The following CNTN5 variants were observed in gnomAD, a reference collection of about 807,000 sequenced individuals.
The protein encoded by CNTN5 is contactin 5, also known as contactin-5.
CNTN5 carries 77 observed loss-of-function variants against 129.1 expected under a neutral mutation model. The observed-to-expected ratio is 0.60, with a 90% CI of 0.50 to 0.72. CNTN5 has a LOEUF of 0.72. Ranked by LOEUF, CNTN5 falls within the 30% of genes least tolerant of loss-of-function variation. The pLI, the probability that CNTN5 is intolerant of heterozygous loss-of-function variation, is 0.00. For missense variants in CNTN5, 1,478 were observed against 1,328.8 expected (o/e 1.11, Z -1.75); for synonymous variants, 509 against 465.6 (o/e 1.09, Z -1.20).
intron 3 of CNTN5, among the ~76,000 whole-genome samples, chr11:99,697,766 G>T (rs1296483891): frequency 1.3e-5 from 2 of 151,634 alleles, no homozygotes; most frequent in African/African-American, 2.4e-5. Context: ...CAAGTGTGGG[G>T]TGTATGGGAA....
chr11:99,049,207 C>T (rs1864327439), intron 1 of CNTN5, among the ~76,000 whole-genome samples: 1 of 152,136 alleles, frequency 6.6e-6, no homozygotes, highest in Non-Finnish European at 1.5e-5. Context: ...ACCTGCATTA[C>T]TTAATAAATT....
intron 2 of CNTN5, among the ~76,000 whole-genome samples, chr11:99,355,124 GTTATC>G (rs1364508902): frequency 6.6e-6 from 1 of 152,088 alleles, no homozygotes; most frequent in East Asian, 1.9e-4. Flanking sequence ...TTCCTACTGT[GTTATC>G]TTAACTAGCA....
chr11:99,571,206 G>A (rs1166622717), intron 3 of CNTN5, among the ~76,000 whole-genome samples: 1 of 152,160 alleles, frequency 6.6e-6, no homozygotes, highest in Non-Finnish European at 1.5e-5. Context: ...TAGTAGTTGC[G>A]AGAGAAAAGG....
chr11:99,035,366 G>C (rs1377779252), intron 1 of CNTN5, among the ~76,000 whole-genome samples: 1 of 152,056 alleles, frequency 6.6e-6, no homozygotes, highest in Non-Finnish European at 1.5e-5. Flanking sequence ...TGCTGACAGT[G>C]GGGTGTTAAA....
At chr11:99,638,266 C>A (rs1236072160) in intron 3 of CNTN5, among the ~76,000 whole-genome samples, 2 of 152,058 alleles carry the variant, frequency 1.3e-5, no homozygotes, top group Non-Finnish European at 2.9e-5. Flanking sequence ...ACGGGAAAGA[C>A]CAGCCCCCAT....
intron 1 of CNTN5, among the ~76,000 whole-genome samples, chr11:99,091,021 CAAAAAAAA>C (rs68113369): frequency 0.012 from 676 of 56,766 alleles, 11 homozygotes; most frequent in African/African-American, 0.047. Flanking sequence ...GACTCCGTCT[CAAAAAAAA>C]AAAAAAAAAA....
At chr11:99,116,537 C>T (rs1858054234) in intron 1 of CNTN5, among the ~76,000 whole-genome samples, 1 of 151,992 alleles carries the variant, frequency 6.6e-6, no homozygotes. Flanking sequence ...AATAGGCATG[C>T]AATTGACCAA....
chr11:99,110,834 T>C (rs545465641), intron 1 of CNTN5, among the ~76,000 whole-genome samples: 3 of 152,166 alleles, frequency 2.0e-5, no homozygotes, highest in African/African-American at 7.2e-5. Context: ...CAGAATGATA[T>C]GATGTGAAAC....
Position 100,320,124 on chromosome 11 carries a change from G to A in CNTN5, c.2730+11656G>A, listed in dbSNP as rs959675515. Among the ~76,000 whole-genome samples the A allele has an allele frequency of 5.3e-5, 8 of 152,216 alleles. 1 individual carries two copies. The South Asian group carries it at 1.7e-3, about 32-fold the overall frequency. ...GTAGTTCCATTTTTAATTTTGGGGGGAGCCTCCATACTGTTTTCAATAATG... is the reference window on the plus strand; with the variant it reads ...GTAGTTCCATTTTTAATTTTGGGGGAAGCCTCCATACTGTTTTCAATAATG... On this transcript the variant is annotated intron_variant, in intron 21 of 24. Coordinates refer to ENST00000524871, the MANE Select transcript of CNTN5 (RefSeq NM_014361.4).
At chr11:100,239,094 A>T (rs1462554136) in intron 16 of CNTN5, among the ~76,000 whole-genome samples, 3 of 152,200 alleles carry the variant, frequency 2.0e-5, no homozygotes, top group Non-Finnish European at 4.4e-5. Flanking sequence ...GAAATCTTGC[A>T]TTCGTTTCCT....
intron 1 of CNTN5, among the ~76,000 whole-genome samples, chr11:99,090,149 G>T (rs1038229064): frequency 6.6e-6 from 1 of 152,216 alleles, no homozygotes; most frequent in East Asian, 1.9e-4. Flanking sequence ...CAAATATTTT[G>T]TTCATTCATA....
intron 1 of CNTN5, among the ~76,000 whole-genome samples, chr11:99,148,396 C>G (rs913347780): frequency 6.6e-6 from 1 of 151,952 alleles, no homozygotes; most frequent in African/African-American, 2.4e-5. Flanking sequence ...GGGCAGCCCT[C>G]AGAACCAGAA....
At chr11:99,828,703 G>A (rs187821616) in intron 4 of CNTN5, among the ~76,000 whole-genome samples, 2 of 152,102 alleles carry the variant, frequency 1.3e-5, no homozygotes, top group African/African-American at 4.8e-5. Context: ...TAAGATACAT[G>A]GAAAACTGAA....
chr11:99,597,854 G>A (rs545911115), intron 3 of CNTN5, among the ~76,000 whole-genome samples: 1 of 152,034 alleles, frequency 6.6e-6, no homozygotes, highest in East Asian at 1.9e-4. Flanking sequence ...TGCCTTCTTG[G>A]TGTGGGGCCA....
intron 2 of CNTN5, among the ~76,000 whole-genome samples, chr11:99,375,986 G>C (rs370093716): frequency 6.6e-6 from 1 of 152,094 alleles, no homozygotes. Context: ...AACTGGATTT[G>C]AGTTGGAAAA....
At chr11:100,047,877 A>G (rs1591128367) in intron 9 of CNTN5, among the ~76,000 whole-genome samples, 1 of 152,142 alleles carries the variant, frequency 6.6e-6, no homozygotes, top group East Asian at 1.9e-4. Flanking sequence ...TCACGCTGTA[A>G]TCCCAGCAAT....
intron 9 of CNTN5, among the ~76,000 whole-genome samples, chr11:100,041,511 C>G (rs191763346): frequency 6.6e-6 from 1 of 152,148 alleles, no homozygotes; most frequent in Non-Finnish European, 1.5e-5. Context: ...TTCAAACTTA[C>G]TCTTGTTCCT....
intron 2 of CNTN5, among the ~76,000 whole-genome samples, chr11:99,364,562 C>A (rs1047368968): frequency 2.0e-5 from 3 of 151,982 alleles, no homozygotes; most frequent in African/African-American, 7.2e-5. Context: ...CCATTTAGTT[C>A]ACAGAACAAG....
Position 99,956,637 on chromosome 11 carries a change from C to T in CNTN5, c.674-169C>T, listed in dbSNP as rs78556096. On this transcript the variant is annotated intron_variant, in intron 7 of 24. Coordinates refer to ENST00000524871, the MANE Select transcript of CNTN5 (RefSeq NM_014361.4). ...GAAATATTTCAGATCTCACCGTAGT[C>T]ATTAACAATAATCCTTTGAATATAA... Among the ~76,000 whole-genome samples the T allele has an allele frequency of 3.0e-4, 46 of 152,270 alleles. No individual in the cohort carries two copies. The East Asian group carries it at 7.7e-3, about 26-fold the overall frequency.
Sources: allele counts gnomAD v4.1 joint callset (sites outside exome capture counted in the v4.1 genomes callset), GRCh38; gene constraint gnomAD v4.1.1; transcripts MANE v1.5; gene names NCBI Gene and HGNC (gene_info 2026-07-23, HGNC 2026-07-21).